The following SERINC2 variants were observed in gnomAD, a reference collection of about 807,000 sequenced individuals.
The protein encoded by SERINC2 is serine incorporator 2, also known as tumor differentially expressed protein 2.
A neutral mutation model predicts 54.2 loss-of-function variants in SERINC2; 56 were observed. The observed-to-expected ratio is 1.03, with a 90% confidence interval of 0.83 to 1.29. SERINC2 has a LOEUF of 1.29. Among genes scored for constraint, SERINC2 ranks in the 50% most tolerant of loss-of-function variants. The pLI, the probability that SERINC2 is intolerant of heterozygous loss-of-function variation, is 0.00. For synonymous variants in SERINC2, 272 were observed against 253.1 expected (o/e 1.07, Z -0.71); for missense variants, 614 against 607.4 (o/e 1.01, Z -0.12).
chr1:31,410,350 T>C (rs781928739), upstream of SERINC2: 2 of 1,548,238 alleles, frequency 1.3e-6, no homozygotes, highest in Non-Finnish European at 1.7e-6. Flanking sequence ...TCCCCTCAGA[T>C]AGCTGGGGTA....
intron 5 of SERINC2, 57 bp from the exon 6 acceptor site, chr1:31,426,597 A>T (rs1014855370): frequency 4.8e-6 from 7 of 1,446,214 alleles, no homozygotes; most frequent in Non-Finnish European, 9.5e-7. Context: ...GGGAGTAGGG[A>T]TCCCTGTTCC....
In SERINC2 at chr1:31,423,811, C is replaced by G; in HGVS notation, c.158C>G (p.Ser53Cys). 6.2e-7 allele frequency: 1 copy of G among 1,614,052 alleles called. No individual in the cohort carries two copies. The highest frequency in any genetic ancestry group is 8.5e-7 in the Non-Finnish European group (1 of 1,180,008). Residue 53 changes from serine (S) to cysteine (C), a missense_variant, in exon 2 of 10, where the codon TCC becomes TGC. Coordinates refer to ENST00000373709, the MANE Select transcript of SERINC2 (RefSeq NM_178865.5). ...TFFLFLGVLV[S>C]IIMLSPGVES... ...TTCCTCTTCCTGGGGGTGCTGGTGT[C>G]CATCATTATGCTGAGCCCGGGCGTG...
chr1:31,432,973 C>T lies in SERINC2; in HGVS notation c.1020C>T (p.Arg340=). ...FLLCTLFISL[R]SSDHRQVNSL... is the part of the protein sequence containing the mutation. ...CTTCCTCCCTCCCCTGCAGTCTGCG[C>T]TCCTCAGACCACCGGCAGGTGAACA... The change falls in exon 9 of 10, where the codon CGC becomes CGT. Residue 340 remains arginine (R), a synonymous_variant. Transcript: ENST00000373709. 6.2e-7 allele frequency: 1 copy of T among 1,609,872 alleles called. No individual in the cohort carries two copies. Among genetic ancestry groups the T allele is most frequent in the Non-Finnish European group, 8.5e-7 (1 of 1,178,704 alleles).
Position 31,424,774 on chromosome 1 carries a change from A to G in SERINC2, c.293A>G (p.Tyr98Cys). 6.2e-7 allele frequency: 1 copy of G among 1,612,350 alleles called. No individual in the cohort carries two copies. Among genetic ancestry groups the G allele is most frequent in the Non-Finnish European group, 8.5e-7 (1 of 1,179,514 alleles). Residue 98 changes from tyrosine to cysteine, a missense_variant, in exon 3 of 10, where the codon TAC becomes TGC. Physicochemically the swap from Tyr to Cys is radical, Grantham distance 194. Transcript: ENST00000373709. ...TCCCTGCTTGGCTACCGCGCTGTCT[A>G]CCGCATGTGCTTCGCCACGGCGGCC... Reference protein sequence around the residue: ...CGSLLGYRAVYRMCFATAAFF... With the variant: ...CGSLLGYRAVCRMCFATAAFF...
chr1:31,424,956 C>T, intron 3 of SERINC2, 83 bp downstream of exon 3: 1 of 1,169,660 alleles, frequency 8.5e-7, no homozygotes, highest in Non-Finnish European at 1.2e-6. Flanking sequence ...GATCTGCAGA[C>T]CCTACCCACC....
At position 31,434,051 on chromosome 1, in the gene SERINC2, T is replaced by C; in HGVS notation, c.1233-13T>C. On this transcript the variant is annotated splice_polypyrimidine_tract_variant and intron_variant, in intron 9 of 9. Coordinates refer to ENST00000373709, the MANE Select transcript of SERINC2 (RefSeq NM_178865.5). ...CTGGGCACCAGGCTCATGGGGAAGA[T>C]GGTGTGTTCCAGGCCCGGTGAGACC... The C allele has an allele frequency of 1.2e-5, 19 of 1,612,702 alleles. No homozygotes were observed. Among genetic ancestry groups the C allele is most frequent in the Non-Finnish European group, 1.5e-5 (18 of 1,179,278 alleles).
rs1640962230 is a variant in SERINC2 at position 31,423,829 on chromosome 1, CGG to C, written c.178_179del (p.Gly60ArgfsTer13). 6.2e-7 allele frequency: 1 copy of C among 1,613,980 alleles called. No homozygotes were observed. The highest frequency in any genetic ancestry group is 1.7e-5 in the Admixed American group (1 of 60,010). ...CTGGTGTCCATCATTATGCTGAGCC[CGG>C]GCGTGGAGAGTCAGCTCTACAAGGT... On this transcript the variant is annotated frameshift_variant, in exon 2 of 10. Transcript: ENST00000373709. LOFTEE classifies it high-confidence loss of function.
rs540226850 is a variant in SERINC2, at chr1:31,429,088, C to G, written c.871+20C>G. On this transcript the variant is annotated intron_variant, in intron 7 of 9. Coordinates refer to ENST00000373709, the MANE Select transcript of SERINC2 (RefSeq NM_178865.5). Reference sequence around the variant, plus strand: ...TCCCTGGTAAGTATGGGCCCAGGCTCAAGGAGGCCTGGCCTCGTTCCTGGG... The same window carrying G: ...TCCCTGGTAAGTATGGGCCCAGGCTGAAGGAGGCCTGGCCTCGTTCCTGGG... The G allele has an allele frequency of 1.2e-6, 2 of 1,600,056 alleles. No homozygotes were observed. The highest frequency in any genetic ancestry group is 1.3e-5 in the African/African-American group (1 of 74,782).
chr1:31,409,898 G>A (rs528134417), upstream of SERINC2: 354 of 1,499,806 alleles, frequency 2.4e-4, no homozygotes, highest in Non-Finnish European at 3.1e-4. Context: ...CTGAGGCGGG[G>A]GCAGGAGTTC....
Position 31,425,413 on chromosome 1 carries a change from G to T in SERINC2, c.472+4G>T. ...CCTGACGGCTCCTTCACCAACAGTA[G>T]GCGGACTTGGCAGGAGGCATGGGGG... is the stretch of plus-strand genomic sequence containing the variant. On this transcript the variant is annotated splice_donor_region_variant and intron_variant, in intron 4 of 9. Coordinates refer to ENST00000373709, the MANE Select transcript of SERINC2 (RefSeq NM_178865.5). 6.2e-7 allele frequency: 1 copy of T among 1,602,532 alleles called. No individual in the cohort carries two copies. The highest frequency in any genetic ancestry group is 8.6e-7 in the Non-Finnish European group (1 of 1,169,278).
At position 31,413,928 on chromosome 1, in the gene SERINC2, T is replaced by C; in HGVS notation, c.39+624T>C. On this transcript the variant is annotated intron_variant, in intron 1 of 9. Transcript: ENST00000373709. This position sits in a 1 kb window ranked among gnomAD's most constrained non-coding sequence, Gnocchi z 5.0. Reference sequence around the variant, plus strand: ...GTCCCTCAGTCTCTCTGCGGTCCCTTTACCGTCCTCAGTCTGGCTCGCGCT... The same window carrying C: ...GTCCCTCAGTCTCTCTGCGGTCCCTCTACCGTCCTCAGTCTGGCTCGCGCT... 6.6e-7 allele frequency: 1 copy of C among 1,517,490 alleles called. No individual in the cohort carries two copies. The highest frequency in any genetic ancestry group is 2.6e-5 in the East Asian group (1 of 37,986). 94.0% of individuals were successfully genotyped at this position (1,517,490 alleles called of 1,614,324 possible).
chr1:31,424,647 G>A (rs1338737451), intron 2 of SERINC2, 36 bp from the exon 3 acceptor site: 8 of 1,521,992 alleles, frequency 5.3e-6, no homozygotes, highest in South Asian at 1.2e-5. Context: ...TTCTGTGAGA[G>A]GTGGGGCTTT....
chr1:31,429,870 G>A (rs138700923), intron 8 of SERINC2, among the ~76,000 whole-genome samples: 1 of 152,244 alleles, frequency 6.6e-6, no homozygotes, highest in East Asian at 1.9e-4. Context: ...TGTGCGGCTT[G>A]GGGTAAGTGG....
rs1553133092 is a variant in SERINC2, at chr1:31,423,848, C to G, written c.195C>G (p.Leu65=). ...TGAGCCCGGGCGTGGAGAGTCAGCT[C>G]TACAAGGTGAGTGCCCCAGGGGAGG... is the stretch of plus-strand genomic sequence containing the variant. ...IMLSPGVESQ[L]YKLPWVCEEG... The change falls in exon 2 of 10, where the codon CTC becomes CTG. Residue 65 remains leucine (L), a synonymous_variant. Coordinates refer to ENST00000373709, the MANE Select transcript of SERINC2 (RefSeq NM_178865.5). The G allele has an allele frequency of 1.2e-6, 2 of 1,613,758 alleles. No individual in the cohort carries two copies. The highest frequency in any genetic ancestry group is 2.2e-5 in the East Asian group (1 of 44,876).
At chr1:31,411,122 G>C (rs1257785743), upstream of SERINC2, among the ~76,000 whole-genome samples, 4 of 152,162 alleles carry the variant, frequency 2.6e-5, no homozygotes, top group Non-Finnish European at 5.9e-5. Flanking sequence ...GTAGGAGAGG[G>C]GGTGGCCAGA....
intron 1 of SERINC2, 107 bp from the exon 2 acceptor site, chr1:31,423,586 T>C: frequency 8.5e-7 from 1 of 1,177,406 alleles, no homozygotes; most frequent in African/African-American, 1.5e-5. Flanking sequence ...GGGAACAGTG[T>C]GCTCCTGCCT....
At chr1:31,410,507 G>A (rs1640630549), upstream of SERINC2, 6 of 1,537,568 alleles carry the variant, frequency 3.9e-6, no homozygotes, top group Non-Finnish European at 4.4e-6. Context: ...AGGAGGCCAG[G>A]ACAGTGGCAG....
At position 31,434,135 on chromosome 1, in the gene SERINC2, G is replaced by C. The variant is rs782412106; in HGVS notation, c.1304G>C (p.Gly435Ala). Residue 435 changes from glycine to alanine, a missense_variant, in exon 10 of 10, where the codon GGG (glycine) becomes GCG (alanine). Physicochemically the swap from Gly to Ala is moderately conservative, Grantham distance 60. Transcript: ENST00000373709. Reference sequence around the variant, plus strand: ...GTGAAGATCTGTGCCAGCTGGGCAGGGCTGCTCCTCTACCTGTGGACCCTG... The same window carrying C: ...GTGAAGATCTGTGCCAGCTGGGCAGCGCTGCTCCTCTACCTGTGGACCCTG... ...VWVKICASWA[G>A]LLLYLWTLVA... The C allele has an allele frequency of 8.7e-6, 14 of 1,613,694 alleles. No homozygotes were observed. The highest frequency in any genetic ancestry group is 1.1e-5 in the Non-Finnish European group (13 of 1,179,948).
intron 3 of SERINC2, 39 bp from the exon 4 acceptor site, chr1:31,425,291 C>A: frequency 6.9e-7 from 1 of 1,448,468 alleles, no homozygotes; most frequent in Non-Finnish European, 9.7e-7. Context: ...TCCCTGCCTG[C>A]ACTCAGCTTC....
Sources: allele counts gnomAD v4.1 joint callset (sites outside exome capture counted in the v4.1 genomes callset), GRCh38; gene constraint gnomAD v4.1.1; non-coding constraint Gnocchi (gnomAD v3.1); transcripts MANE v1.5; gene names NCBI Gene and HGNC (gene_info 2026-07-23, HGNC 2026-07-21).